CHRM3: variants seen among roughly 807,000 people sequenced by gnomAD.
The protein encoded by CHRM3 is cholinergic receptor muscarinic 3.
In CHRM3, 11 loss-of-function variants were observed where a neutral mutation model predicts 41.8. That is an observed-to-expected ratio of 0.26 (90% CI 0.17 to 0.44). The LOEUF (loss-of-function observed/expected upper bound fraction) is 0.44. Among genes scored for constraint, CHRM3 ranks in the 20% least tolerant of loss-of-function variants. The pLI is 1.00. For synonymous variants in CHRM3, 297 were observed against 301.4 expected (o/e 0.99, Z 0.15); for missense variants, 571 against 745.4 (o/e 0.77, Z 2.72).
chr1:239,455,349 C>G (rs1034775233), intron 1 of CHRM3, among the ~76,000 whole-genome samples: 16 of 151,624 alleles, frequency 1.1e-4, no homozygotes, highest in Admixed American at 7.9e-4. Flanking sequence ...CAGTGCCCAG[C>G]CTTCTACTTT....
At chr1:239,392,138 G>A (rs1375611872) in intron 1 of CHRM3, among the ~76,000 whole-genome samples, 1 of 152,154 alleles carries the variant, frequency 6.6e-6, no homozygotes, top group African/African-American at 2.4e-5. Context: ...CTCTCCAGGA[G>A]CAAGACCCCT....
At chr1:239,765,432 T>G (rs1667125123) in intron 5 of CHRM3, among the ~76,000 whole-genome samples, 2 of 152,182 alleles carry the variant, frequency 1.3e-5, no homozygotes, top group African/African-American at 4.8e-5. Flanking sequence ...AGTTATGACA[T>G]TTGTGATGCT....
chr1:239,817,039 A>G (rs1325078900), intron 5 of CHRM3, among the ~76,000 whole-genome samples: 2 of 152,146 alleles, frequency 1.3e-5, no homozygotes, highest in Non-Finnish European at 2.9e-5. Flanking sequence ...GTCTTTATCA[A>G]TAAACTAGGG....
At position 239,817,975 on chromosome 1, in the gene CHRM3, G is replaced by A. The variant is rs57663048; in HGVS notation, c.-146-9277G>A. On this transcript the variant is annotated intron_variant, in intron 5 of 6. Coordinates refer to ENST00000676153, the MANE Select transcript of CHRM3 (RefSeq NM_001375978.1). ...TACCCACAGGCTTTGAGAATTAGACGAGCTAATAGTATGCCTGGTATTTGG... is the reference window on the plus strand; with the variant it reads ...TACCCACAGGCTTTGAGAATTAGACAAGCTAATAGTATGCCTGGTATTTGG... Among the ~76,000 whole-genome samples the A allele has an allele frequency of 6.2e-3, 950 of 152,232 alleles. 8 individuals are homozygous for A. The highest frequency in any genetic ancestry group is 0.021 in the African/African-American group (882 of 41,538).
chr1:239,660,851 A>C (rs906288014), intron 4 of CHRM3, among the ~76,000 whole-genome samples: 4 of 152,212 alleles, frequency 2.6e-5, no homozygotes, highest in African/African-American at 7.2e-5. Flanking sequence ...ACCACACTCC[A>C]GCCTGGGTGA....
rs1433256525 is a variant in CHRM3, at chr1:239,448,673, C to G, written c.-520-44036C>G. Among the ~76,000 whole-genome samples, 7 of 152,066 alleles carry G rather than the reference C, an allele frequency of 4.6e-5. No homozygotes were observed. In the East Asian group the frequency reaches 5.8e-4, roughly 13 times the overall value. On this transcript the variant is annotated intron_variant, in intron 1 of 6. Transcript: ENST00000676153. Reference sequence around the variant, plus strand: ...TAAAATGATATAATAACAGATTTCTCTCCTCATGACTAAAATATTGCTGTA... The same window carrying G: ...TAAAATGATATAATAACAGATTTCTGTCCTCATGACTAAAATATTGCTGTA...
chr1:239,553,435 A>G (rs2148454232), intron 3 of CHRM3, among the ~76,000 whole-genome samples: 1 of 152,202 alleles, frequency 6.6e-6, no homozygotes, highest in East Asian at 1.9e-4. Flanking sequence ...CTCAGTTAGG[A>G]TACAAGCAGG....
chr1:239,768,437 T>C (rs1000133853), intron 5 of CHRM3, among the ~76,000 whole-genome samples: 3 of 152,056 alleles, frequency 2.0e-5, no homozygotes, highest in Non-Finnish European at 4.4e-5. Context: ...GAAAATGTGA[T>C]ACAAAAATGA....
At chr1:239,655,131 G>C (rs1208686183) in intron 4 of CHRM3, among the ~76,000 whole-genome samples, 2 of 152,142 alleles carry the variant, frequency 1.3e-5, no homozygotes, top group Non-Finnish European at 2.9e-5. Context: ...TTCTATTCAT[G>C]TGTCATACTC....
At chr1:239,449,722 T>C (rs186005775) in intron 1 of CHRM3, among the ~76,000 whole-genome samples, 1 of 150,888 alleles carries the variant, frequency 6.6e-6, no homozygotes, top group Non-Finnish European at 1.5e-5. Flanking sequence ...TAGGATGAAT[T>C]GTCACATTCT....
intron 5 of CHRM3, among the ~76,000 whole-genome samples, chr1:239,734,357 G>A (rs1312381065): frequency 6.6e-6 from 1 of 152,066 alleles, no homozygotes. Flanking sequence ...CTAGTGACCA[G>A]TGGCACATTT....
In CHRM3 at chr1:239,915,136, TG is replaced by T; in HGVS notation, c.*5914del. 1 of 167,110 alleles carries T rather than the reference TG, an allele frequency of 6.0e-6. No individual in the cohort carries two copies. The highest frequency in any genetic ancestry group is 3.1e-3 in the Middle Eastern group (1 of 318). 10.4% of individuals were successfully genotyped at this position (167,110 alleles called of 1,614,324 possible). On this transcript the variant is annotated 3_prime_UTR_variant, in exon 7 of 7. Coordinates refer to ENST00000676153, the MANE Select transcript of CHRM3 (RefSeq NM_001375978.1). The stretch of plus-strand genomic sequence containing the variant: ...CTGTGAATCATTTAAAGATGCTCTC[TG>T]GTGGATAGAGAAACCGCAGTCCAAA...
intron 6 of CHRM3, among the ~76,000 whole-genome samples, chr1:239,850,723 T>C (rs115699134): frequency 0.041 from 6,271 of 152,166 alleles, 159 homozygotes; most frequent in East Asian, 0.061. Context: ...TGAGTTCTCG[T>C]GTGATCTGAT....
intron 2 of CHRM3, among the ~76,000 whole-genome samples, chr1:239,513,395 T>C (rs1669053728): frequency 6.6e-6 from 1 of 152,204 alleles, no homozygotes; most frequent in African/African-American, 2.4e-5. Flanking sequence ...GATGTTTATG[T>C]TTACAGGCTT....
Position 239,386,922 on chromosome 1 carries a change from T to G in CHRM3, c.-826T>G. The G allele has an allele frequency of 6.6e-6, 1 of 151,752 alleles. No homozygotes were observed. The highest frequency in any genetic ancestry group is 2.0e-4 in the East Asian group (1 of 5,090). The allele number at this position is 151,752 out of a possible 1,614,324, so 9.4% of individuals were successfully genotyped here. On this transcript the variant is annotated 5_prime_UTR_variant, in exon 1 of 7. The change abolishes an upstream ATG in the 5' untranslated region. Transcript: ENST00000676153. The stretch of plus-strand genomic sequence containing the variant: ...CCGCGGCCGCTGCCCGGAGGCGGCA[T>G]GTGACGCGCGGCCGCAGCTGCCCGC...
chr1:239,591,944 G>A (rs1244120587), intron 3 of CHRM3, among the ~76,000 whole-genome samples: 1 of 152,210 alleles, frequency 6.6e-6, no homozygotes, highest in African/African-American at 2.4e-5. Context: ...GGAAATAAAA[G>A]TTCAGAGGCC....
intron 2 of CHRM3, among the ~76,000 whole-genome samples, chr1:239,505,872 C>T (rs1363465162): frequency 6.6e-6 from 1 of 152,140 alleles, no homozygotes; most frequent in Non-Finnish European, 1.5e-5. Context: ...CTGAGTTGGT[C>T]TCAGATGGAG....
intron 2 of CHRM3, among the ~76,000 whole-genome samples, chr1:239,528,027 A>G (rs1670116417): frequency 6.6e-6 from 1 of 152,168 alleles, no homozygotes. Flanking sequence ...GGGCTTACTT[A>G]ACAACTCCAT....
intron 2 of CHRM3, among the ~76,000 whole-genome samples, chr1:239,493,532 C>T (rs1333160665): frequency 4.6e-5 from 7 of 152,118 alleles, no homozygotes; most frequent in Non-Finnish European, 1.0e-4. Context: ...TTCTTGAAAA[C>T]TTTTTAAAAA....
Sources: gnomAD v4.1 joint callset for allele counts (sites outside exome capture counted in the v4.1 genomes callset) on GRCh38, gnomAD v4.1.1 for gene constraint, MANE v1.5 for transcripts, NCBI Gene and HGNC (gene_info 2026-07-23, HGNC 2026-07-21) for gene names.